Variants in PCDHGB5 observed in about 807,000 individuals in gnomAD.
PCDHGB5 encodes the protein protocadherin gamma-B5.
Under a neutral mutation model 62.9 loss-of-function variants are expected in PCDHGB5, and 48 were observed. The ratio of observed to expected loss-of-function variants is 0.76; its 90% CI spans 0.61 to 0.97. The LOEUF is 0.97. PCDHGB5 is among the 50% of genes least tolerant of loss of function. The pLI, the probability that PCDHGB5 is intolerant of heterozygous loss-of-function variation, is 0.00. For synonymous variants in PCDHGB5, 474 were observed against 511.2 expected (o/e 0.93, Z 0.98); for missense variants, 1,118 against 1,198.6 (o/e 0.93, Z 0.99).
chr5:141,453,465 A>G (rs1167340749), intron 1 of PCDHGB5, among the ~76,000 whole-genome samples: 2 of 152,098 alleles, frequency 1.3e-5, no homozygotes, highest in African/African-American at 4.8e-5. Flanking sequence ...AAACATTAAC[A>G]TAAAGTCAAA....
At chr5:141,478,090 C>T in intron 1 of PCDHGB5, 2 of 1,614,108 alleles carry the variant, frequency 1.2e-6, no homozygotes, top group Non-Finnish European at 1.7e-6. Flanking sequence ...CGCTCTCCAC[C>T]ACTGCTACCC....
rs765809429 is a variant in PCDHGB5 at position 141,511,205 on chromosome 5, C to A, written c.*32C>A. On this transcript the variant is annotated 3_prime_UTR_variant, in exon 4 of 4. Coordinates refer to ENST00000617380, the MANE Select transcript of PCDHGB5 (RefSeq NM_018925.3). ...GGCCAGGCCAAGAGCCACAGGGCGGCCTCTCCCCAACCAGCCCAGCTTCTC... is the reference window on the plus strand; with the variant it reads ...GGCCAGGCCAAGAGCCACAGGGCGGACTCTCCCCAACCAGCCCAGCTTCTC... 4.3e-6 allele frequency: 7 copies of A among 1,611,426 alleles called. No homozygotes were observed. The Admixed American group carries it at 6.7e-5, about 15-fold the overall frequency.
Position 141,432,433 on chromosome 5 carries a change from T to C in PCDHGB5, c.2397+31909T>C, listed in dbSNP as rs760107558. 10 of 1,613,996 alleles carry C rather than the reference T, an allele frequency of 6.2e-6. No individual in the cohort carries two copies. The South Asian group carries it at 8.8e-5, about 14-fold the overall frequency. ...TGTTCGTGCTGGACCAGAACGACAA[T>C]GCGCCCGAGATCCTGTACCCCGCCC... On this transcript the variant is annotated intron_variant, in intron 1 of 3. Transcript: ENST00000617380. This position sits in a 1 kb window ranked among gnomAD's most constrained non-coding sequence, Gnocchi z 6.0.
intron 1 of PCDHGB5, among the ~76,000 whole-genome samples, chr5:141,459,721 T>C (rs2098973915): frequency 6.6e-6 from 1 of 152,246 alleles, no homozygotes. Context: ...CAATGCTTCC[T>C]ATTGTCAATT....
At chr5:141,501,290 T>TACACACACAC (rs55762287) in intron 2 of PCDHGB5, among the ~76,000 whole-genome samples, 12 of 136,162 alleles carry the variant, frequency 8.8e-5, no homozygotes, top group Admixed American at 4.7e-4. Context: ...TATTCCCTTA[T>TACACACACAC]ACACACACAC....
At chr5:141,409,168 G>T in intron 1 of PCDHGB5, 1 of 1,614,032 alleles carries the variant, frequency 6.2e-7, no homozygotes, top group Non-Finnish European at 8.5e-7. Flanking sequence ...TGGAAGCGAA[G>T]GACGGAGGTG....
At chr5:141,447,725 C>G (rs1009407606) in intron 1 of PCDHGB5, among the ~76,000 whole-genome samples, 4 of 152,174 alleles carry the variant, frequency 2.6e-5, no homozygotes, top group African/African-American at 9.7e-5. Context: ...TTTTCCAAAA[C>G]TCATTGAACT....
In PCDHGB5 at chr5:141,486,709, C is replaced by G. The variant is rs1485764871; in HGVS notation, c.2398-8098C>G. ...CTTCCTCTTTCATCTCTCTGAACCC[C>G]CAGACAGGAGCTGTTCATGCTACTC... On this transcript the variant is annotated intron_variant, in intron 1 of 3. Coordinates refer to ENST00000617380, the MANE Select transcript of PCDHGB5 (RefSeq NM_018925.3). The surrounding 1 kb of genome is among the most constrained non-coding windows in gnomAD (Gnocchi z 5.0). 1 of 1,614,182 alleles carries G rather than the reference C, an allele frequency of 6.2e-7. No individual in the cohort carries two copies. Among genetic ancestry groups the G allele is most frequent in the Middle Eastern group, 1.6e-4 (1 of 6,062 alleles).
chr5:141,488,837 C>A (rs550655328), intron 1 of PCDHGB5, among the ~76,000 whole-genome samples: 1 of 152,280 alleles, frequency 6.6e-6, no homozygotes, highest in African/African-American at 2.4e-5. Context: ...GCCAAGGGGG[C>A]TGAATCAACC....
chr5:141,419,316 G>C (rs775328616), intron 1 of PCDHGB5: 2 of 1,613,876 alleles, frequency 1.2e-6, no homozygotes, highest in African/African-American at 1.3e-5. Flanking sequence ...CTCAACGGCC[G>C]TGTCTCCTAC....
chr5:141,403,487 T>C, intron 1 of PCDHGB5: 1 of 1,613,930 alleles, frequency 6.2e-7, no homozygotes. Flanking sequence ...TCACCACTTC[T>C]CCCTGAACGT....
chr5:141,498,725 A>AGT (rs2099785409), intron 2 of PCDHGB5, among the ~76,000 whole-genome samples: 1 of 152,150 alleles, frequency 6.6e-6, no homozygotes, highest in Non-Finnish European at 1.5e-5. Flanking sequence ...TGAGGTCAGG[A>AGT]GTTTGAGACC....
chr5:141,475,821 G>T, intron 1 of PCDHGB5: 1 of 352,534 alleles, frequency 2.8e-6, no homozygotes, highest in Non-Finnish European at 5.1e-6. Context: ...AGTTCCTGGC[G>T]CTAGCGCGTG....
rs2095932484 is a variant in PCDHGB5, at chr5:141,415,751, T to TG, written c.2397+15227_2397+15228insG. 3.8e-6 allele frequency: 5 copies of TG among 1,328,726 alleles called. No homozygotes were observed. The African/African-American group carries it at 9.4e-5, about 25-fold the overall frequency. The allele number at this position is 1,328,726 out of a possible 1,614,324, so 82.3% of individuals were successfully genotyped here. On this transcript the variant is annotated intron_variant, in intron 1 of 3. Transcript: ENST00000617380. ...TGATGTTTATTAAGGTTTTTTTTTT[T>TG]TTTTTTTTTTTTTTTTTTTTTACTT... is the stretch of plus-strand genomic sequence containing the variant.
At chr5:141,433,818 C>A (rs1286718725) in intron 1 of PCDHGB5, among the ~76,000 whole-genome samples, 7 of 133,614 alleles carry the variant, frequency 5.2e-5, no homozygotes, top group African/African-American at 5.8e-5. Flanking sequence ...GCCTGGGCAA[C>A]AAGAGTGAAA....
rs2233600 is a variant in PCDHGB5, at chr5:141,489,134, A to C, written c.2398-5673A>C. 9,827 of 731,232 alleles carry C rather than the reference A, an allele frequency of 0.013. 1,099 individuals are homozygous for C. The East Asian group carries it at 0.25, about 19-fold the overall frequency. The allele number at this position is 731,232 out of a possible 1,614,324, so 45.3% of individuals were successfully genotyped here. A position where few individuals can be genotyped will look rare whatever the true frequency, so the allele number is the denominator to read the frequency against. Reference sequence around the variant, plus strand: ...GGCAAACCTCCGAGCAGTTTTTAAGAGGCTGGAAGGAGACATAAGAGACTT... The same window carrying C: ...GGCAAACCTCCGAGCAGTTTTTAAGCGGCTGGAAGGAGACATAAGAGACTT... On this transcript the variant is annotated intron_variant, in intron 1 of 3. Transcript: ENST00000617380. The surrounding 1 kb of genome is among the most constrained non-coding windows in gnomAD (Gnocchi z 4.5).
At chr5:141,475,988 A>C (rs1197163866) in intron 1 of PCDHGB5, 29 of 1,114,786 alleles carry the variant, frequency 2.6e-5, no homozygotes, top group Non-Finnish European at 3.2e-5. Context: ...GCCGGCGAGC[A>C]AATCAACGGC....
At position 141,512,091 on chromosome 5, in the gene PCDHGB5, A is replaced by C. The variant is rs1329025049; in HGVS notation, c.*918A>C. On this transcript the variant is annotated 3_prime_UTR_variant, in exon 4 of 4. Transcript: ENST00000617380. The stretch of plus-strand genomic sequence containing the variant: ...TCCAGATTCCAGCCATAAACCAATA[A>C]CTAGGCTGGACCCTTCCCACTACAT... 1 of 152,656 alleles carries C rather than the reference A, an allele frequency of 6.6e-6. No homozygotes were observed. The highest frequency in any genetic ancestry group is 2.4e-5 in the African/African-American group (1 of 41,456). 9.5% of individuals were successfully genotyped at this position (152,656 alleles called of 1,614,324 possible). A position where few individuals can be genotyped will look rare whatever the true frequency, so the allele number is the denominator to read the frequency against.
chr5:141,413,390 C>G, intron 1 of PCDHGB5: 1 of 1,614,010 alleles, frequency 6.2e-7, no homozygotes, highest in Non-Finnish European at 8.5e-7. Context: ...CGCATAGTCT[C>G]CAGAGGTAGG....
Sources: allele counts gnomAD v4.1 joint callset (sites outside exome capture counted in the v4.1 genomes callset), GRCh38; gene constraint gnomAD v4.1.1; non-coding constraint Gnocchi (gnomAD v3.1); transcripts MANE v1.5; gene names NCBI Gene and HGNC (gene_info 2026-07-23, HGNC 2026-07-21).